Variants in RGS9 observed in about 807,000 individuals in gnomAD.
RGS9 encodes regulator of G-protein signalling 9.
RGS9 carries 78 observed loss-of-function variants against 102.0 expected under a neutral mutation model. The observed-to-expected ratio is 0.76, with a 90% CI of 0.64 to 0.92. RGS9 has a LOEUF of 0.92. Ranked by LOEUF, RGS9 falls within the 40% of genes least tolerant of loss-of-function variation. RGS9 has a pLI of 0.00. For missense variants in RGS9, 833 were observed against 866.1 expected, an observed-to-expected ratio of 0.96 and a Z score of 0.48; for synonymous variants, 353 against 318.6, an observed-to-expected ratio of 1.11 and a Z score of -1.15.
chr17:65,141,522 T>C (rs1162743353), intron 1 of RGS9, among the ~76,000 whole-genome samples: 7 of 152,262 alleles, frequency 4.6e-5, no homozygotes, highest in African/African-American at 1.7e-4. Context: ...TATCTCTTGC[T>C]TGTAACATTC....
At chr17:65,141,938 T>C (rs1437322869) in intron 1 of RGS9, among the ~76,000 whole-genome samples, 2 of 152,132 alleles carry the variant, frequency 1.3e-5, no homozygotes, top group Non-Finnish European at 2.9e-5. Context: ...AGTTTGGCGT[T>C]GATGGAGAAG....
rs114601385 is a variant in RGS9, at chr17:65,140,191, G to A, written c.57+2594G>A. Among the ~76,000 whole-genome samples, 1,085 of 152,304 alleles carry A rather than the reference G, an allele frequency of 7.1e-3. 14 individuals are homozygous for A. The highest frequency in any genetic ancestry group is 0.025 in the African/African-American group (1,023 of 41,554). On this transcript the variant is annotated intron_variant, in intron 1 of 18. Coordinates refer to ENST00000262406, the MANE Select transcript of RGS9 (RefSeq NM_003835.4). ...ACCAAGAAGAAATACAGGAGTGGTC[G>A]TTGTCTGTCACAAGTTGTGGTGCAA...
At chr17:65,217,836 G>A (rs1324405399) in intron 17 of RGS9, among the ~76,000 whole-genome samples, 2 of 152,148 alleles carry the variant, frequency 1.3e-5, no homozygotes, top group Non-Finnish European at 2.9e-5. Flanking sequence ...CTCTGATGTT[G>A]CAACTCAGAG....
At chr17:65,177,256 C>G (rs1439626490) in intron 8 of RGS9, among the ~76,000 whole-genome samples, 1 of 151,578 alleles carries the variant, frequency 6.6e-6, no homozygotes, top group Non-Finnish European at 1.5e-5. Flanking sequence ...ATCCACCCAT[C>G]CCCCTCTCCT....
In RGS9 at chr17:65,225,152, A is replaced by G; in HGVS notation, c.1558A>G (p.Thr520Ala). Residue 520 changes from threonine to alanine, a missense_variant, in exon 18 of 19, where the codon ACC (threonine) becomes GCC (alanine). Thr to Ala is a moderately conservative substitution (Grantham distance 58). Transcript: ENST00000262406. ...CCGCTTCATCCGGCGACCCAGCACC[A>G]CCATCTGCCCCTCACCCATCAGAGT... ...PSRFIRRPST[T>A]ICPSPIRVAL... The G allele has an allele frequency of 1.9e-6, 3 of 1,613,294 alleles. No homozygotes were observed. The highest frequency in any genetic ancestry group is 8.5e-7 in the Non-Finnish European group (1 of 1,179,922).
At chr17:65,162,761 G>A (rs559468094) in intron 6 of RGS9, among the ~76,000 whole-genome samples, 82 of 152,192 alleles carry the variant, frequency 5.4e-4, no homozygotes, top group African/African-American at 1.7e-3. Context: ...GAGCCACCAC[G>A]CCTGGCCGGG....
In RGS9 at chr17:65,225,004, G is replaced by T. The variant is rs200149534; in HGVS notation, c.1410G>T (p.Pro470=). ...CTCTCTCCTTTCCTTCTCTACAGCC[G>T]GGCCAGCACATGGCTCCCAGCCCCC... ...EAANTVDITQ[P]GQHMAPSPHL... Residue 470 remains proline (P), a splice_region_variant and synonymous_variant, in exon 18 of 19, where the codon CCG becomes CCT. Coordinates refer to ENST00000262406, the MANE Select transcript of RGS9 (RefSeq NM_003835.4). 6.2e-7 allele frequency: 1 copy of T among 1,613,672 alleles called. No homozygotes were observed. Among genetic ancestry groups the T allele is most frequent in the South Asian group, 1.1e-5 (1 of 91,082 alleles).
intron 9 of RGS9, among the ~76,000 whole-genome samples, chr17:65,179,804 G>A (rs1438668309): frequency 1.3e-5 from 2 of 152,008 alleles, no homozygotes; most frequent in African/African-American, 4.8e-5. Context: ...TACTGAGGAG[G>A]CATCTTTGTG....
chr17:65,151,583 G>A (rs1225097407), intron 1 of RGS9, among the ~76,000 whole-genome samples: 2 of 152,098 alleles, frequency 1.3e-5, no homozygotes, highest in Non-Finnish European at 2.9e-5. Flanking sequence ...TCTGAACCTG[G>A]GGCAGTCATT....
intron 2 of RGS9, among the ~76,000 whole-genome samples, chr17:65,153,789 A>T (rs1426079195): frequency 6.6e-6 from 1 of 151,582 alleles, no homozygotes; most frequent in African/African-American, 2.4e-5. Flanking sequence ...ACTCGGGAGG[A>T]TGAGGCAGGA....
intron 9 of RGS9, among the ~76,000 whole-genome samples, chr17:65,178,865 C>T (rs1464132615): frequency 1.3e-5 from 2 of 152,156 alleles, no homozygotes; most frequent in Non-Finnish European, 2.9e-5. Context: ...GCAGCATCCC[C>T]AGCTCTGCCC....
Position 65,158,312 on chromosome 17 carries a change from T to C in RGS9, c.172T>C (p.Trp58Arg). Residue 58 changes from tryptophan to arginine, a missense_variant, in exon 3 of 19, where the codon TGG becomes CGG. Coordinates refer to ENST00000262406, the MANE Select transcript of RGS9 (RefSeq NM_003835.4). ...HAMTGSDVLQ[W>R]IVQRLWISSL... ...TTTTTCAGGAAGTGATGTTCTGCAA[T>C]GGATCGTCCAGCGGCTTTGGATCTC... 6.2e-7 allele frequency: 1 copy of C among 1,614,172 alleles called. No individual in the cohort carries two copies. Among genetic ancestry groups the C allele is most frequent in the Non-Finnish European group, 8.5e-7 (1 of 1,180,028 alleles).
chr17:65,155,199 CT>C (rs1186262534), intron 2 of RGS9, among the ~76,000 whole-genome samples: 1 of 152,200 alleles, frequency 6.6e-6, no homozygotes, highest in Non-Finnish European at 1.5e-5. Context: ...TTCAGGGTGC[CT>C]TTGTGTCCCC....
At chr17:65,201,667 T>C (rs1912851885) in intron 13 of RGS9, among the ~76,000 whole-genome samples, 1 of 152,244 alleles carries the variant, frequency 6.6e-6, no homozygotes, top group Non-Finnish European at 1.5e-5. Context: ...TGTGTATTGT[T>C]GGAGGAAAGG....
chr17:65,177,670 C>T, intron 8 of RGS9, 62 bp from the exon 9 acceptor site: 1 of 1,482,874 alleles, frequency 6.7e-7, no homozygotes. Flanking sequence ...CCAAGACCCA[C>T]AGTTAACCAG....
chr17:65,206,646 C>T (rs766516971), intron 15 of RGS9, among the ~76,000 whole-genome samples: 5 of 152,094 alleles, frequency 3.3e-5, no homozygotes, highest in East Asian at 1.9e-4. Context: ...CACTGCAATC[C>T]GGCCTGGGCG....
At chr17:65,157,285 G>A (rs1457086215) in intron 2 of RGS9, among the ~76,000 whole-genome samples, 1 of 151,988 alleles carries the variant, frequency 6.6e-6, no homozygotes. Context: ...TCTGTGATGC[G>A]GTGCTTCGTT....
chr17:65,170,192 T>A (rs1911360013), intron 8 of RGS9, among the ~76,000 whole-genome samples: 1 of 151,904 alleles, frequency 6.6e-6, no homozygotes, highest in African/African-American at 2.4e-5. Flanking sequence ...GTAGCTAGGA[T>A]TACAGGCATG....
intron 9 of RGS9, among the ~76,000 whole-genome samples, chr17:65,182,561 A>G (rs1456844057): frequency 6.6e-6 from 1 of 152,228 alleles, no homozygotes; most frequent in Non-Finnish European, 1.5e-5. Flanking sequence ...TAATGTCCTT[A>G]TTGTGGCTTT....
Sources: allele counts gnomAD v4.1 joint callset (sites outside exome capture counted in the v4.1 genomes callset), GRCh38; gene constraint gnomAD v4.1.1; transcripts MANE v1.5; gene names NCBI Gene and HGNC (gene_info 2026-07-23, HGNC 2026-07-21).